Variants in MTA2 observed in about 807,000 individuals in gnomAD.
MTA2 encodes metastasis associated 1 family member 2, also known as metastasis-associated protein MTA2.
MTA2 carries 22 observed loss-of-function variants against 87.1 expected under a neutral mutation model. The ratio of observed to expected loss-of-function variants is 0.25; its 90% CI spans 0.18 to 0.36. MTA2 has a LOEUF of 0.36. Ranked by LOEUF, MTA2 falls within the 10% of genes least tolerant of loss-of-function variation. The pLI is 1.00. For synonymous variants in MTA2, 314 were observed against 310.1 expected (o/e 1.01, Z -0.13); for missense variants, 542 against 853.2 (o/e 0.64, Z 4.54).
Position 62,596,670 on chromosome 11 carries a change from A to G in MTA2, c.849T>C (p.Tyr283=), listed in dbSNP as rs749925536. The part of the protein sequence containing the change: ...AMLFEEALEK[Y]GKDFNDIRQD... Reference sequence around the variant, plus strand: ...GGCGAATATCATTGAAGTCCTTCCCATACTTCTCTAGGGCCTCCTCAAATA... The same window carrying G: ...GGCGAATATCATTGAAGTCCTTCCCGTACTTCTCTAGGGCCTCCTCAAATA... Residue 283 remains tyrosine (Y), a synonymous_variant, in exon 9 of 18, where the codon TAT becomes TAC. Coordinates refer to ENST00000278823, the MANE Select transcript of MTA2 (RefSeq NM_004739.4). 4 of 1,613,552 alleles carry G rather than the reference A, an allele frequency of 2.5e-6. No individual in the cohort carries two copies. The Admixed American group carries it at 6.7e-5, about 27-fold the overall frequency.
At position 62,593,959 on chromosome 11, in the gene MTA2, C is replaced by A; in HGVS notation, c.1923G>T (p.Thr641=). ...GGACAGGGGGCCGCACTGCAATCAG[C>A]GTTGGCTTCACCTTCAGGGGCAAGT... ...RPNLPLKVKP[T]LIAVRPPVPL... Residue 641 remains threonine, a synonymous_variant, in exon 18 of 18, where the codon ACG becomes ACT. Transcript: ENST00000278823. 6.2e-7 allele frequency: 1 copy of A among 1,614,082 alleles called. No individual in the cohort carries two copies. The highest frequency in any genetic ancestry group is 8.5e-7 in the Non-Finnish European group (1 of 1,179,970).
In MTA2 at chr11:62,593,958, G is replaced by T; in HGVS notation, c.1924C>A (p.Leu642Met). 1 of 1,614,164 alleles carries T rather than the reference G, an allele frequency of 6.2e-7. No homozygotes were observed. Among genetic ancestry groups the T allele is most frequent in the Non-Finnish European group, 8.5e-7 (1 of 1,180,020 alleles). ...GGGACAGGGGGCCGCACTGCAATCA[G>T]CGTTGGCTTCACCTTCAGGGGCAAG... is the stretch of plus-strand genomic sequence containing the variant. ...PNLPLKVKPT[L>M]IAVRPPVPLP... Residue 642 changes from leucine (L) to methionine (M), a missense_variant, in exon 18 of 18, where the codon CTG becomes ATG. Leu to Met is a conservative substitution (Grantham distance 15). This residue lies in a region of MTA2 where 269 missense variants were observed against 346.4 expected (regional missense o/e 0.78). Coordinates refer to ENST00000278823, the MANE Select transcript of MTA2 (RefSeq NM_004739.4).
In MTA2 at chr11:62,601,701, G is replaced by C. The variant is rs2427644; in HGVS notation, c.-251C>G. 1.3e-5 allele frequency: 7 copies of C among 530,524 alleles called. No individual in the cohort carries two copies. The highest frequency in any genetic ancestry group is 2.3e-5 in the Non-Finnish European group (7 of 305,280). The allele number at this position is 530,524 out of a possible 1,614,324, so 32.9% of individuals were successfully genotyped here. A position where few individuals can be genotyped will look rare whatever the true frequency, so the allele number is the denominator to read the frequency against. On this transcript the variant is annotated 5_prime_UTR_variant, in exon 1 of 18. Coordinates refer to ENST00000278823, the MANE Select transcript of MTA2 (RefSeq NM_004739.4). ...CCGTCCGCTCGGCTTCTTCCGGAAC[G>C]AGCTCGGCTCCTGCCAGGCCAGAGC... is the stretch of plus-strand genomic sequence containing the variant.
At chr11:62,598,438 C>G in intron 4 of MTA2, 48 bp from the exon 5 acceptor site, 1 of 1,608,134 alleles carries the variant, frequency 6.2e-7, no homozygotes, top group Non-Finnish European at 8.5e-7. Flanking sequence ...CTCTCCCTCC[C>G]CACAGCATCT....
At position 62,593,709 on chromosome 11, in the gene MTA2, CGAGGTGGTAACACCA is replaced by C. The variant is rs1027760782; in HGVS notation, c.*151_*165del. 1.8e-5 allele frequency: 14 copies of C among 765,384 alleles called. No individual in the cohort carries two copies. Among genetic ancestry groups the C allele is most frequent in the Non-Finnish European group, 2.5e-5 (12 of 484,980 alleles). The allele number at this position is 765,384 out of a possible 1,614,324, so 47.4% of individuals were successfully genotyped here. A position where few individuals can be genotyped will look rare whatever the true frequency, so the allele number is the denominator to read the frequency against. On this transcript the variant is annotated 3_prime_UTR_variant, in exon 18 of 18. Transcript: ENST00000278823. ...AAGCATGGAGGCATGAGACAAGTCT[CGAGGTGGTAACACCA>C]GAGGGCGCCCAACCCCTCCAGGGAC... is the stretch of plus-strand genomic sequence containing the variant.
In MTA2 at chr11:62,601,629, T is replaced by G; in HGVS notation, c.-179A>C. On this transcript the variant is annotated 5_prime_UTR_variant, in exon 1 of 18. Transcript: ENST00000278823. ...TCGCGGTTCATCCCGGCCCGCGCTG[T>G]CGCCGCCGCAGCTATCGCCTCACTC... 1 of 644,312 alleles carries G rather than the reference T, an allele frequency of 1.6e-6. No individual in the cohort carries two copies. The highest frequency in any genetic ancestry group is 3.3e-5 in the East Asian group (1 of 30,068). 39.9% of individuals were successfully genotyped at this position (644,312 alleles called of 1,614,324 possible).
Position 62,594,559 on chromosome 11 carries a change from T to C in MTA2, c.1649A>G (p.Asn550Ser), listed in dbSNP as rs1357392373. 2 of 1,613,926 alleles carry C rather than the reference T, an allele frequency of 1.2e-6. No homozygotes were observed. Among genetic ancestry groups the C allele is most frequent in the Non-Finnish European group, 1.7e-6 (2 of 1,179,996 alleles). The change falls in exon 16 of 18, where the codon AAC (asparagine) becomes AGC (serine). Residue 550 changes from asparagine to serine, a missense_variant. By Grantham distance (46) the Asn-to-Ser change is conservative. Transcript: ENST00000278823. ...CACCATAATGCCCCCCAGTCCCCGG[T>C]TCTGGGACAGCTGGTTTCTGTTGAT... The part of the protein sequence containing the change: ...TPINRNQLSQ[N>S]RGLGGIMVKR...
chr11:62,597,882 A>G, intron 6 of MTA2, 142 bp downstream of exon 6: 2 of 1,003,274 alleles, frequency 2.0e-6, no homozygotes, highest in South Asian at 2.9e-5. Context: ...CTACAGGCCC[A>G]TTCTGTCAGG....
Position 62,596,123 on chromosome 11 carries a change from A to G in MTA2, c.1017-16T>C. ...TGGCTTAGTGCTAACGGGGAAGGCG[A>G]GGAGAAGGGAAAAAAACAAGAAACT... On this transcript the variant is annotated splice_polypyrimidine_tract_variant and intron_variant, in intron 11 of 17. Coordinates refer to ENST00000278823, the MANE Select transcript of MTA2 (RefSeq NM_004739.4). 1 of 1,613,560 alleles carries G rather than the reference A, an allele frequency of 6.2e-7. No individual in the cohort carries two copies.
chr11:62,598,187 G>A (rs1001183217), intron 5 of MTA2, 46 bp from the exon 6 acceptor site: 2 of 1,595,278 alleles, frequency 1.3e-6, no homozygotes, highest in African/African-American at 2.7e-5. Flanking sequence ...AATCCACATA[G>A]GCGGCGGGGA....
intron 1 of MTA2, 53 bp downstream of exon 1, chr11:62,601,370 C>T (rs1404351638): frequency 2.5e-6 from 4 of 1,600,178 alleles, no homozygotes; most frequent in African/African-American, 2.7e-5. Flanking sequence ...CCCTCAGGTC[C>T]CTACCCCAAC....
At chr11:62,601,295 G>T in intron 1 of MTA2, 128 bp downstream of exon 1, 1 of 1,220,736 alleles carries the variant, frequency 8.2e-7, no homozygotes, top group Non-Finnish European at 1.2e-6. Context: ...CCCGGTTCCG[G>T]TTCCGGTCCG....
chr11:62,597,436 T>A, intron 7 of MTA2, 21 bp from the exon 8 acceptor site: 1 of 1,599,916 alleles, frequency 6.3e-7, no homozygotes, highest in Non-Finnish European at 8.5e-7. Context: ...AATTGAGAAG[T>A]CAAAAGCGAA....
At position 62,593,941 on chromosome 11, in the gene MTA2, G is replaced by A. The variant is rs1474709126; in HGVS notation, c.1941C>T (p.Pro647=). ...KVKPTLIAVR[P]PVPLPAPSHP... is the part of the protein sequence containing the mutation. Reference sequence around the variant, plus strand: ...GTGAGGGTGCAGGTAGAGGGACAGGGGGCCGCACTGCAATCAGCGTTGGCT... The same window carrying A: ...GTGAGGGTGCAGGTAGAGGGACAGGAGGCCGCACTGCAATCAGCGTTGGCT... Residue 647 remains proline (P), a synonymous_variant, in exon 18 of 18, where the codon CCC becomes CCT. Coordinates refer to ENST00000278823, the MANE Select transcript of MTA2 (RefSeq NM_004739.4). 3.1e-6 allele frequency: 5 copies of A among 1,614,078 alleles called. No homozygotes were observed. Among genetic ancestry groups the A allele is most frequent in the African/African-American group, 1.3e-5 (1 of 74,918 alleles).
At position 62,598,678 on chromosome 11, in the gene MTA2, A is replaced by C. The variant is rs372476070; in HGVS notation, c.191-39T>G. 16 of 1,568,244 alleles carry C rather than the reference A, an allele frequency of 1.0e-5. No individual in the cohort carries two copies. In the African/African-American group the frequency reaches 1.9e-4, roughly 19 times the overall value. ...GAGGAAGAAACCAAGTCAGAAATGGATCCAGCAAAACACCACCCTGGAAAC... is the reference window on the plus strand; with the variant it reads ...GAGGAAGAAACCAAGTCAGAAATGGCTCCAGCAAAACACCACCCTGGAAAC... On this transcript the variant is annotated intron_variant, in intron 3 of 17. Transcript: ENST00000278823.
chr11:62,597,709 T>C lies in MTA2; in HGVS notation c.494A>G (p.Glu165Gly), dbSNP rs1188266037. 6 of 1,613,726 alleles carry C rather than the reference T, an allele frequency of 3.7e-6. No individual in the cohort carries two copies. In the East Asian group the frequency reaches 1.3e-4, roughly 36 times the overall value. ...CTTCTGCTGGTTCCGATTATCAGAT[T>C]CTCCTGGGGAAAAGAACAATGGCAT... is the stretch of plus-strand genomic sequence containing the variant. ...AEIPDRLVEG[E>G]SDNRNQQKME... The change falls in exon 7 of 18, where the codon GAA becomes GGA. Residue 165 changes from glutamate to glycine, a missense_variant. By Grantham distance (98) the Glu-to-Gly change is moderately conservative (BLOSUM62 -2). Around this residue, in one of 6 missense-constraint regions of MTA2, gnomAD observed 150 missense variants for 243.9 expected, o/e 0.62. Coordinates refer to ENST00000278823, the MANE Select transcript of MTA2 (RefSeq NM_004739.4).
Position 62,595,911 on chromosome 11 carries a change from G to A in MTA2, c.1115-20C>T, listed in dbSNP as rs1942092080. On this transcript the variant is annotated intron_variant, in intron 12 of 17. Coordinates refer to ENST00000278823, the MANE Select transcript of MTA2 (RefSeq NM_004739.4). The surrounding 1 kb of genome is among the most constrained non-coding windows in gnomAD (Gnocchi z 4.9). ...GTGTGGCTGTAGAGTACGGAGAGGA[G>A]GGGGACAGGGAAGAAGCATACTACC... 1.2e-6 allele frequency: 2 copies of A among 1,614,054 alleles called. No homozygotes were observed. Among genetic ancestry groups the A allele is most frequent in the Admixed American group, 1.7e-5 (1 of 60,010 alleles).
chr11:62,597,391 G>A lies in MTA2; in HGVS notation c.618C>T (p.Ala206=). The A allele has an allele frequency of 1.2e-6, 2 of 1,611,906 alleles. No homozygotes were observed. Among genetic ancestry groups the A allele is most frequent in the African/African-American group, 1.3e-5 (1 of 74,890 alleles). Residue 206 remains alanine, a synonymous_variant, in exon 8 of 18, where the codon GCC becomes GCT. Transcript: ENST00000278823. ...VARAVGTFAR[A]LDCSSSIRQP... ...GCCGAATGGAGCTGCTACAATCTAG[G>A]GCTCTTGCAAAGGTTCCCACAGCTC...
chr11:62,601,794 G>C lies in MTA2; in HGVS notation c.-344C>G. ...TTGGGCTCTGCCGGCCGCAGGGAAG[G>C]CTTGCCGGGCCCGCCTCAGGGTTCG... is the stretch of plus-strand genomic sequence containing the variant. On this transcript the variant is annotated 5_prime_UTR_variant, in exon 1 of 18. Transcript: ENST00000278823. 1 of 504,122 alleles carries C rather than the reference G, an allele frequency of 2.0e-6. No homozygotes were observed. Among genetic ancestry groups the C allele is most frequent in the Non-Finnish European group, 3.5e-6 (1 of 289,724 alleles). 31.2% of individuals were successfully genotyped at this position (504,122 alleles called of 1,614,324 possible). A position where few individuals can be genotyped will look rare whatever the true frequency, so the allele number is the denominator to read the frequency against.
Sources: gnomAD v4.1 joint callset for allele counts on GRCh38, gnomAD v4.1.1 for gene constraint, gnomAD v4.1.1 regional missense constraint, Gnocchi (gnomAD v3.1) non-coding constraint, MANE v1.5 for transcripts, NCBI Gene and HGNC (gene_info 2026-07-23, HGNC 2026-07-21) for gene names.